ARHGAP28: variants seen among roughly 807,000 people sequenced by gnomAD.
The protein encoded by ARHGAP28 is Rho GTPase activating protein 28.
Under a neutral mutation model 90.7 loss-of-function variants are expected in ARHGAP28, and 56 were observed. The observed-to-expected ratio is 0.62, with a 90% CI of 0.50 to 0.77. The LOEUF (loss-of-function observed/expected upper bound fraction) is 0.77, where lower values mean the gene tolerates loss of function less well. Ranked by LOEUF, ARHGAP28 falls within the 30% of genes least tolerant of loss-of-function variation. ARHGAP28 has a pLI of 0.00. For missense variants in ARHGAP28, 869 were observed against 900.9 expected, an observed-to-expected ratio of 0.96 and a Z score of 0.45; for synonymous variants, 308 against 323.3, an observed-to-expected ratio of 0.95 and a Z score of 0.51.
intron 3 of ARHGAP28, among the ~76,000 whole-genome samples, chr18:6,841,159 C>CTCTG (rs1555631443): frequency 3.3e-4 from 30 of 92,280 alleles, no homozygotes; most frequent in Admixed American, 7.2e-4. Context: ...TCTCCTCTTT[C>CTCTG]TCTCTCTCCT....
intron 1 of ARHGAP28, among the ~76,000 whole-genome samples, chr18:6,747,234 G>T (rs980637702): frequency 2.0e-5 from 3 of 152,084 alleles, no homozygotes; most frequent in African/African-American, 7.2e-5. Context: ...CTCTAAAGAG[G>T]AAACAGGGTT....
At chr18:6,796,272 T>C (rs1033561670) in intron 1 of ARHGAP28, among the ~76,000 whole-genome samples, 5 of 152,186 alleles carry the variant, frequency 3.3e-5, no homozygotes, top group African/African-American at 1.2e-4. Flanking sequence ...TACACATCTA[T>C]ACATGCATAC....
At chr18:6,781,669 T>A (rs1436989390) in intron 1 of ARHGAP28, among the ~76,000 whole-genome samples, 1 of 152,164 alleles carries the variant, frequency 6.6e-6, no homozygotes, top group Non-Finnish European at 1.5e-5. Flanking sequence ...GAGAAGCCTG[T>A]GAGGGCCCCA....
At position 6,876,118 on chromosome 18, in the gene ARHGAP28, C is replaced by T. The variant is rs755262540; in HGVS notation, c.1213-13C>T. On this transcript the variant is annotated splice_polypyrimidine_tract_variant and intron_variant, in intron 9 of 17. Coordinates refer to ENST00000383472, the MANE Select transcript of ARHGAP28 (RefSeq NM_001366230.1). The stretch of plus-strand genomic sequence containing the variant: ...AGAGGTACTTATTCTGGTAATATAT[C>T]ATTGCTTTCTAGTTTTTTGAGAAAG... The T allele has an allele frequency of 2.5e-6, 4 of 1,606,274 alleles. No individual in the cohort carries two copies. The highest frequency in any genetic ancestry group is 1.6e-4 in the Middle Eastern group (1 of 6,068).
intron 1 of ARHGAP28, among the ~76,000 whole-genome samples, chr18:6,733,341 C>T (rs923025714): frequency 1.3e-5 from 2 of 152,076 alleles, no homozygotes; most frequent in African/African-American, 4.8e-5. Context: ...TTGCATGGGG[C>T]AGTCTGCTGT....
intron 2 of ARHGAP28, among the ~76,000 whole-genome samples, chr18:6,827,092 T>C (rs1341567105): frequency 1.3e-5 from 2 of 152,206 alleles, no homozygotes; most frequent in Non-Finnish European, 2.9e-5. Flanking sequence ...TACCTCTTTC[T>C]ACACAGACAC....
chr18:6,738,228 G>A (rs1373703094), intron 1 of ARHGAP28, among the ~76,000 whole-genome samples: 1 of 152,034 alleles, frequency 6.6e-6, no homozygotes, highest in Non-Finnish European at 1.5e-5. Flanking sequence ...TATCTTTTAT[G>A]TACCAAAGAT....
chr18:6,911,271 C>G (rs1241016534), intron 17 of ARHGAP28, among the ~76,000 whole-genome samples: 1 of 152,148 alleles, frequency 6.6e-6, no homozygotes, highest in East Asian at 1.9e-4. Context: ...GGCTTTACGT[C>G]CATAGTAAAG....
chr18:6,911,134 A>C (rs11659400), intron 17 of ARHGAP28, among the ~76,000 whole-genome samples: 44,253 of 151,970 alleles, frequency 0.29, 6,775 homozygotes, highest in Non-Finnish European at 0.34. Flanking sequence ...GCGCTCGGCC[A>C]GCTCTTGGTA....
chr18:6,889,922 A>G lies in ARHGAP28; in HGVS notation c.1571A>G (p.Asn524Ser), dbSNP rs768349698. The change falls in exon 13 of 18, where the codon AAT (asparagine) becomes AGT (serine). Residue 524 changes from asparagine to serine, a missense_variant. Asn to Ser is a conservative substitution (Grantham distance 46). Transcript: ENST00000383472. Reference protein sequence around the residue: ...LMTFFNKVIANESKNRMSLWN... With the variant: ...LMTFFNKVIASESKNRMSLWN... ...ACATTCTTCAATAAAGTGATTGCCA[A>G]TGAATCAAAAAACCGAATGAGTCTG... The G allele has an allele frequency of 3.1e-6, 5 of 1,614,098 alleles. No individual in the cohort carries two copies. The highest frequency in any genetic ancestry group is 2.7e-5 in the African/African-American group (2 of 74,952).
In ARHGAP28 at chr18:6,846,765, T is replaced by G. The variant is rs562080854; in HGVS notation, c.544-4269T>G. Among the ~76,000 whole-genome samples, 34 of 152,300 alleles carry G rather than the reference T, an allele frequency of 2.2e-4. No homozygotes were observed. In the South Asian group the frequency reaches 4.1e-3, roughly 19 times the overall value. ...AAAATGGGTTTCTGTGAGCCTTATG[T>G]CCCACCTGGCTCTGCCTTCTATTTT... On this transcript the variant is annotated intron_variant, in intron 3 of 17. Transcript: ENST00000383472.
intron 1 of ARHGAP28, among the ~76,000 whole-genome samples, chr18:6,824,416 A>G (rs954288093): frequency 1.3e-5 from 2 of 152,068 alleles, no homozygotes; most frequent in African/African-American, 4.8e-5. Context: ...GGGCACCTGT[A>G]ATCCCAGCTA....
chr18:6,756,460 A>G (rs2056110707), intron 1 of ARHGAP28, among the ~76,000 whole-genome samples: 1 of 152,216 alleles, frequency 6.6e-6, no homozygotes, highest in Non-Finnish European at 1.5e-5. Flanking sequence ...TCCAAACCTA[A>G]TAAATGTGGA....
At chr18:6,817,332 C>CA (rs34524960) in intron 1 of ARHGAP28, among the ~76,000 whole-genome samples, 54,100 of 147,674 alleles carry the variant, frequency 0.37, 10,495 homozygotes, top group Middle Eastern at 0.48. Context: ...AACAAACAAA[C>CA]AAAAAAAAAA....
At chr18:6,873,799 G>A (rs772636990) in intron 9 of ARHGAP28, 24 bp downstream of exon 9, 1 of 1,581,048 alleles carries the variant, frequency 6.3e-7, no homozygotes, top group African/African-American at 1.3e-5. Flanking sequence ...AAATGAAAGG[G>A]GAATTCACAG....
intron 5 of ARHGAP28, among the ~76,000 whole-genome samples, chr18:6,865,406 G>A (rs2057030860): frequency 6.6e-6 from 1 of 152,162 alleles, no homozygotes; most frequent in Non-Finnish European, 1.5e-5. Flanking sequence ...GCTTCCTTAA[G>A]TTGGTCTCTG....
intron 1 of ARHGAP28, among the ~76,000 whole-genome samples, chr18:6,799,812 T>C (rs528682346): frequency 6.6e-6 from 1 of 152,276 alleles, no homozygotes; most frequent in Non-Finnish European, 1.5e-5. Flanking sequence ...GGCAAAGACT[T>C]CATGACTAAA....
chr18:6,892,394 C>A (rs1385366498), intron 14 of ARHGAP28, among the ~76,000 whole-genome samples: 1 of 152,008 alleles, frequency 6.6e-6, no homozygotes, highest in African/African-American at 2.4e-5. Context: ...TCAGGTGATC[C>A]GCCCGCCTCT....
At chr18:6,846,278 G>A (rs2056865525) in intron 3 of ARHGAP28, among the ~76,000 whole-genome samples, 1 of 152,128 alleles carries the variant, frequency 6.6e-6, no homozygotes, top group Non-Finnish European at 1.5e-5. Context: ...CACCCTTGAT[G>A]TGATGAAGAT....
Sources: allele counts gnomAD v4.1 joint callset (sites outside exome capture counted in the v4.1 genomes callset), GRCh38; gene constraint gnomAD v4.1.1; transcripts MANE v1.5; gene names NCBI Gene and HGNC (gene_info 2026-07-23, HGNC 2026-07-21).